The following SCPEP1 variants were observed in gnomAD, a reference collection of about 807,000 sequenced individuals.
SCPEP1 encodes retinoid-inducible serine carboxypeptidase.
A neutral mutation model predicts 63.8 loss-of-function variants in SCPEP1; 51 were observed. The ratio of observed to expected loss-of-function variants is 0.80; its 90% CI spans 0.64 to 1.01. The LOEUF is 1.01. Ranked by LOEUF, SCPEP1 falls within the 50% of genes least tolerant of loss-of-function variation. The pLI, the probability that SCPEP1 is intolerant of heterozygous loss-of-function variation, is 0.00. For synonymous variants in SCPEP1, 204 were observed against 207.8 expected, an observed-to-expected ratio of 0.98 and a Z score of 0.16; for missense variants, 499 against 554.9, an observed-to-expected ratio of 0.90 and a Z score of 1.01.
In SCPEP1 at chr17:56,988,306, TTTG is replaced by T; in HGVS notation, c.546+22_546+24del. On this transcript the variant is annotated intron_variant, in intron 5 of 12. Coordinates refer to ENST00000262288, the MANE Select transcript of SCPEP1 (RefSeq NM_021626.3). Reference sequence around the variant, plus strand: ...GCTTTATAAGGTAATGGAAAATAACTTTGTTGTTATGGTTTTGGACAGAAAATC... The same window carrying T: ...GCTTTATAAGGTAATGGAAAATAACTTTGTTATGGTTTTGGACAGAAAATC... The T allele has an allele frequency of 3.1e-6, 5 of 1,590,960 alleles. No individual in the cohort carries two copies. Among genetic ancestry groups the T allele is most frequent in the South Asian group, 2.2e-5 (2 of 89,030 alleles).
At position 56,995,503 on chromosome 17, in the gene SCPEP1, C is replaced by G. The variant is rs1911520038; in HGVS notation, c.658-4C>G. ...GGTCTTTTTGCTCTTGGTTTGCATT[C>G]CAGTCTCTTCTCGAAGACAAAGGTC... On this transcript the variant is annotated splice_polypyrimidine_tract_variant and splice_region_variant and intron_variant, in intron 7 of 12. Coordinates refer to ENST00000262288, the MANE Select transcript of SCPEP1 (RefSeq NM_021626.3). The G allele has an allele frequency of 6.2e-7, 1 of 1,610,580 alleles. No individual in the cohort carries two copies. Among genetic ancestry groups the G allele is most frequent in the African/African-American group, 1.3e-5 (1 of 74,664 alleles).
intron 5 of SCPEP1, 91 bp downstream of exon 5, chr17:56,988,381 A>G: frequency 1.0e-6 from 1 of 962,796 alleles, no homozygotes; most frequent in Non-Finnish European, 1.6e-6. Flanking sequence ...TATACTTTGA[A>G]TAGGGCCATG....
intron 4 of SCPEP1, 94 bp downstream of exon 4, chr17:56,987,944 C>A: frequency 7.3e-7 from 1 of 1,366,516 alleles, no homozygotes; most frequent in Non-Finnish European, 1.0e-6. Context: ...GAGTTTAATG[C>A]CTAGCTGATT....
intron 9 of SCPEP1, 40 bp downstream of exon 9, chr17:56,997,095 C>G: frequency 8.0e-7 from 1 of 1,256,104 alleles, no homozygotes; most frequent in Non-Finnish European, 1.1e-6. Flanking sequence ...CTGCCTCAGC[C>G]TCCATGCAAA....
At chr17:57,001,978 G>A in intron 11 of SCPEP1, 40 bp from the exon 12 acceptor site, 4 of 1,588,320 alleles carry the variant, frequency 2.5e-6, no homozygotes, top group Non-Finnish European at 3.4e-6. Context: ...ATTCTATCCA[G>A]CTGTTAATGC....
At chr17:56,987,171 C>G (rs1310221925) in intron 3 of SCPEP1, 1 of 152,316 alleles carries the variant, frequency 6.6e-6, no homozygotes, top group African/African-American at 2.4e-5. Context: ...TATTCAGGAT[C>G]TTTTATATGT....
At chr17:56,989,185 G>C (rs1222122587) in intron 5 of SCPEP1, among the ~76,000 whole-genome samples, 1 of 152,128 alleles carries the variant, frequency 6.6e-6, no homozygotes, top group Non-Finnish European at 1.5e-5. Flanking sequence ...ACAAGACTGT[G>C]TCTCAGGAAA....
At position 56,998,502 on chromosome 17, in the gene SCPEP1, C is replaced by G; in HGVS notation, c.994+4C>G. 1 of 1,595,966 alleles carries G rather than the reference C, an allele frequency of 6.3e-7. No homozygotes were observed. Among genetic ancestry groups the G allele is most frequent in the Non-Finnish European group, 8.6e-7 (1 of 1,163,744 alleles). ...CCTGAGGATCAATCCTGGGGAGGTA[C>G]TTATATGACCTAATTAAGTGCCGTT... On this transcript the variant is annotated splice_donor_region_variant and intron_variant, in intron 10 of 12. Coordinates refer to ENST00000262288, the MANE Select transcript of SCPEP1 (RefSeq NM_021626.3).
chr17:56,981,309 T>G, intron 2 of SCPEP1, 79 bp downstream of exon 2: 1 of 1,539,096 alleles, frequency 6.5e-7, no homozygotes, highest in Non-Finnish European at 8.9e-7. Context: ...TTTGGGCTGA[T>G]GTCTCAGCAG....
intron 12 of SCPEP1, among the ~76,000 whole-genome samples, chr17:57,002,605 G>T (rs2144510268): frequency 6.6e-6 from 1 of 152,300 alleles, no homozygotes; most frequent in South Asian, 2.1e-4. Context: ...TACTTGGGAG[G>T]CTGAAGCACG....
At chr17:56,996,711 G>T (rs559444118) in intron 8 of SCPEP1, among the ~76,000 whole-genome samples, 2 of 150,568 alleles carry the variant, frequency 1.3e-5, no homozygotes, top group African/African-American at 4.9e-5. Context: ...GTAGAGAGGG[G>T]TTTCACCATG....
At chr17:57,003,753 C>T (rs1026146569) in intron 12 of SCPEP1, among the ~76,000 whole-genome samples, 25 of 152,220 alleles carry the variant, frequency 1.6e-4, no homozygotes, top group African/African-American at 5.1e-4. Context: ...GTGCTTACAC[C>T]GATGTCCTTG....
chr17:57,002,552 C>T (rs1911771110), intron 12 of SCPEP1, among the ~76,000 whole-genome samples: 1 of 152,144 alleles, frequency 6.6e-6, no homozygotes, highest in African/African-American at 2.4e-5. Context: ...CCTGTCTCTA[C>T]AAAAATTTAC....
At chr17:56,997,538 G>T (rs1019759368) in intron 9 of SCPEP1, among the ~76,000 whole-genome samples, 1 of 152,104 alleles carries the variant, frequency 6.6e-6, no homozygotes, top group Non-Finnish European at 1.5e-5. Flanking sequence ...GATACCCTAG[G>T]TTCCACTTTC....
chr17:56,996,178 A>G (rs1362195804), intron 8 of SCPEP1, among the ~76,000 whole-genome samples: 1 of 151,706 alleles, frequency 6.6e-6, no homozygotes, highest in Admixed American at 6.6e-5. Flanking sequence ...TTCTTTCTTT[A>G]TTTTATTTTT....
chr17:56,981,193 A>G lies in SCPEP1; in HGVS notation c.188A>G (p.Lys63Arg), dbSNP rs1911057605. ...CTCTATTATGCCACCAACTCCTGCA[A>G]GAACTTCTCAGAACTGCCCCTGGTC... ...WWLYYATNSC[K>R]NFSELPLVMW... The change falls in exon 2 of 13, where the codon AAG becomes AGG. Residue 63 changes from lysine (K) to arginine (R), a missense_variant. Lys to Arg is a conservative substitution (Grantham distance 26). Transcript: ENST00000262288. The G allele has an allele frequency of 1.2e-6, 2 of 1,614,084 alleles. No individual in the cohort carries two copies. Among genetic ancestry groups the G allele is most frequent in the Non-Finnish European group, 8.5e-7 (1 of 1,180,046 alleles).
At chr17:57,001,684 G>A (rs1403019744) in intron 11 of SCPEP1, among the ~76,000 whole-genome samples, 5 of 152,184 alleles carry the variant, frequency 3.3e-5, no homozygotes, top group Non-Finnish European at 2.9e-5. Context: ...TCTCGTTCAC[G>A]ACATCTCTCA....
chr17:56,999,191 G>A (rs930759362), intron 10 of SCPEP1, among the ~76,000 whole-genome samples: 13 of 152,118 alleles, frequency 8.5e-5, no homozygotes, highest in Non-Finnish European at 4.4e-5. Flanking sequence ...GAGATTTCGC[G>A]CCAAAGGTCC....
chr17:56,998,324 A>AC, intron 9 of SCPEP1, 61 bp from the exon 10 acceptor site: 1 of 1,176,572 alleles, frequency 8.5e-7, no homozygotes, highest in Non-Finnish European at 1.2e-6. Flanking sequence ...AAAAAAAAAA[A>AC]AGATGTCCTC....
Sources: gnomAD v4.1 joint callset for allele counts (sites outside exome capture counted in the v4.1 genomes callset) on GRCh38, gnomAD v4.1.1 for gene constraint, MANE v1.5 for transcripts, NCBI Gene and HGNC (gene_info 2026-07-23, HGNC 2026-07-21) for gene names.